INSC: variants seen among roughly 807,000 people sequenced by gnomAD.
INSC encodes the protein protein inscuteable homolog.
A neutral mutation model predicts 58.6 loss-of-function variants in INSC; 67 were observed. The ratio of observed to expected loss-of-function variants is 1.14; its 90% CI spans 0.94 to 1.40. The LOEUF (loss-of-function observed/expected upper bound fraction) is 1.40. INSC is among the 40% of genes most tolerant of loss of function. The pLI, the probability that INSC is intolerant of heterozygous loss-of-function variation, is 0.00. For missense variants in INSC, 714 were observed against 692.0 expected (o/e 1.03, Z -0.36); for synonymous variants, 262 against 276.1 (o/e 0.95, Z 0.51).
intron 9 of INSC, among the ~76,000 whole-genome samples, chr11:15,234,387 T>C (rs1001202636): frequency 1.3e-5 from 2 of 152,258 alleles, no homozygotes; most frequent in Admixed American, 6.5e-5. Context: ...GAAGACATTT[T>C]TAAATGTATT....
chr11:15,172,900 G>A (rs374981722), intron 2 of INSC, among the ~76,000 whole-genome samples: 23 of 152,258 alleles, frequency 1.5e-4, no homozygotes, highest in Middle Eastern at 3.4e-3. Context: ...TCCAGGGAAC[G>A]GTGGTATGGG....
intron 1 of INSC, among the ~76,000 whole-genome samples, chr11:15,141,129 C>T (rs1848360795): frequency 1.3e-5 from 2 of 152,040 alleles, no homozygotes; most frequent in East Asian, 1.9e-4. Flanking sequence ...TCTCTAAGGC[C>T]CCCCTACTAG....
chr11:15,159,883 G>C (rs1201239735), intron 2 of INSC, among the ~76,000 whole-genome samples: 1 of 152,208 alleles, frequency 6.6e-6, no homozygotes, highest in Non-Finnish European at 1.5e-5. Flanking sequence ...AATGATTATG[G>C]ATTTTATCCC....
chr11:15,241,285 G>A (rs569307409), intron 12 of INSC, among the ~76,000 whole-genome samples: 17 of 152,296 alleles, frequency 1.1e-4, no homozygotes, highest in African/African-American at 3.4e-4. Flanking sequence ...GCTGGCTCTT[G>A]TGTTCAAAGA....
At chr11:15,265,828 C>CTTTTTTTTTTTTTTTTTTTTTTTTTTTTT in the INSC span, among the ~76,000 whole-genome samples, 2 of 128,698 alleles carry the variant, frequency 1.6e-5, no homozygotes, top group Admixed American at 7.6e-5. Context: ...ATTGTTCTTG[C>CTTTTTTTTTTTTTTTTTTTTTTTTTTTTT]TTTTTTTTTT....
At chr11:15,229,136 A>C (rs539714085) in intron 9 of INSC, among the ~76,000 whole-genome samples, 38 of 152,190 alleles carry the variant, frequency 2.5e-4, no homozygotes, top group African/African-American at 8.9e-4. Context: ...GATGGAAGAG[A>C]CCTGATTATC....
intron 1 of INSC, among the ~76,000 whole-genome samples, chr11:15,130,212 C>A (rs1286499947): frequency 2.6e-5 from 4 of 152,108 alleles, no homozygotes; most frequent in African/African-American, 9.7e-5. Context: ...AAGTATATTT[C>A]TTGTGGTATA....
chr11:15,249,965 T>TTGA (rs1235816616), downstream of INSC, among the ~76,000 whole-genome samples: 1 of 152,222 alleles, frequency 6.6e-6, no homozygotes, highest in East Asian at 1.9e-4. Flanking sequence ...GGGTGGCTGA[T>TTGA]TGATTAAAAG....
At chr11:15,129,845 G>A (rs1848085323) in intron 1 of INSC, among the ~76,000 whole-genome samples, 1 of 152,204 alleles carries the variant, frequency 6.6e-6, no homozygotes, top group Admixed American at 6.5e-5. Context: ...TTAGGGAAAG[G>A]TACCGTGTCT....
At chr11:15,185,887 T>TA (rs1343268584) in intron 5 of INSC, among the ~76,000 whole-genome samples, 9 of 152,210 alleles carry the variant, frequency 5.9e-5, no homozygotes, top group African/African-American at 1.7e-4. Context: ...GCTGTCAAAT[T>TA]AAAAATGTGC....
At chr11:15,152,711 G>A (rs984235527) in intron 2 of INSC, among the ~76,000 whole-genome samples, 2 of 152,162 alleles carry the variant, frequency 1.3e-5, no homozygotes, top group African/African-American at 4.8e-5. Context: ...CTTTAGGAAG[G>A]ATGTGTTCTT....
intron 6 of INSC, among the ~76,000 whole-genome samples, chr11:15,199,172 C>A (rs1033999968): frequency 6.6e-6 from 1 of 152,150 alleles, no homozygotes; most frequent in African/African-American, 2.4e-5. Context: ...TCCAGCATGA[C>A]GTCTGGCCTA....
chr11:15,149,098 T>C (rs1714354), intron 1 of INSC, 32 bp from the exon 2 acceptor site: 1,191,530 of 1,543,482 alleles, frequency 0.77, 469,047 homozygotes, highest in Non-Finnish European at 0.81. Context: ...TCTTTTAGGA[T>C]CTCGTTGTGC....
chr11:15,259,968 TGA>T, the INSC span, among the ~76,000 whole-genome samples: 1 of 152,186 alleles, frequency 6.6e-6, no homozygotes, highest in South Asian at 2.1e-4. Context: ...TACTCTGATG[TGA>T]GAGAGAATCT....
chr11:15,218,104 T>A (rs1851290852), intron 7 of INSC, among the ~76,000 whole-genome samples: 1 of 152,196 alleles, frequency 6.6e-6, no homozygotes, highest in South Asian at 2.1e-4. Context: ...GCACTGTCCA[T>A]TATAGCAAAA....
chr11:15,223,234 A>ATAATTT (rs1228338777), intron 8 of INSC, among the ~76,000 whole-genome samples: 2 of 152,244 alleles, frequency 1.3e-5, no homozygotes, highest in Non-Finnish European at 2.9e-5. Context: ...ACATTATCAA[A>ATAATTT]TAAACAAAAG....
chr11:15,175,778 A>C lies in INSC; in HGVS notation c.94A>C (p.Met32Leu). ...LMQVDSVQRW[M>L]EDLKLMTECE... is the part of the protein sequence containing the mutation. ...GCAGGTGGACTCAGTCCAGCGCTGG[A>C]TGGAAGATCTGAAGCTCATGACCGA... Residue 32 changes from methionine to leucine, a missense_variant, in exon 3 of 13, where the codon ATG (methionine) becomes CTG (leucine). Coordinates refer to ENST00000379556, the MANE Select transcript of INSC (RefSeq NM_001042536.3). 2 of 1,594,714 alleles carry C rather than the reference A, an allele frequency of 1.3e-6. No individual in the cohort carries two copies. The highest frequency in any genetic ancestry group is 2.2e-5 in the South Asian group (2 of 89,438).
At chr11:15,219,324 G>A (rs1175689355) in intron 7 of INSC, among the ~76,000 whole-genome samples, 3 of 152,150 alleles carry the variant, frequency 2.0e-5, no homozygotes, top group African/African-American at 4.8e-5. Context: ...AGAAGGCCAC[G>A]TCTCCCAACT....
the INSC span, among the ~76,000 whole-genome samples, chr11:15,261,698 T>C: frequency 8.0e-4 from 122 of 152,320 alleles, 2 homozygotes; most frequent in South Asian, 0.024. Flanking sequence ...CTTATTGTTT[T>C]CAGCACTTGG....
Sources: gnomAD v4.1 joint callset for allele counts (sites outside exome capture counted in the v4.1 genomes callset) on GRCh38, gnomAD v4.1.1 for gene constraint, MANE v1.5 for transcripts, NCBI Gene and HGNC (gene_info 2026-07-23, HGNC 2026-07-21) for gene names.